ZNF609: variants seen among roughly 807,000 people sequenced by gnomAD.
The protein encoded by ZNF609 is zinc finger protein 609.
A neutral mutation model predicts 109.5 loss-of-function variants in ZNF609; 11 were observed. The observed-to-expected ratio is 0.10, with a 90% confidence interval of 0.06 to 0.17. The LOEUF is 0.17. ZNF609 is among the 10% of genes least tolerant of loss of function. The probability of loss-of-function intolerance (pLI) is 1.00; values close to 1 mark genes in which losing one functional copy is unlikely to be tolerated. For synonymous variants in ZNF609, 646 were observed against 662.0 expected (o/e 0.98, Z 0.37); for missense variants, 1,559 against 1,772.4 (o/e 0.88, Z 2.16).
chr15:64,655,485 A>G, intron 3 of ZNF609, among the ~76,000 whole-genome samples: 1 of 152,022 alleles, frequency 6.6e-6, no homozygotes, highest in Non-Finnish European at 1.5e-5. Flanking sequence ...AATAAGCAAA[A>G]TAAAATATAT....
At chr15:64,668,415 T>C (rs67465716) in intron 3 of ZNF609, among the ~76,000 whole-genome samples, 17,799 of 152,178 alleles carry the variant, frequency 0.12, 1,555 homozygotes, top group African/African-American at 0.25. Context: ...TGGGTTTTCT[T>C]TTTGTCTCTA....
At chr15:64,500,191 CCCACTGACTG>C (rs1893541822) in intron 2 of ZNF609, 25 bp downstream of exon 2, 1 of 1,608,024 alleles carries the variant, frequency 6.2e-7, no homozygotes, top group African/African-American at 1.3e-5. Context: ...GATATGGCTG[CCCACTGACTG>C]CCAGTCAGAA....
upstream of ZNF609, among the ~76,000 whole-genome samples, chr15:64,459,845 T>C (rs1892912371): frequency 6.6e-6 from 1 of 152,166 alleles, no homozygotes; most frequent in Non-Finnish European, 1.5e-5. Flanking sequence ...CTAGATAGTA[T>C]GCTGGGCAAT....
intron 2 of ZNF609, among the ~76,000 whole-genome samples, chr15:64,542,383 C>T (rs1399942159): frequency 6.6e-6 from 1 of 152,108 alleles, no homozygotes; most frequent in Non-Finnish European, 1.5e-5. Flanking sequence ...GTCATCTCTT[C>T]CAAGGCCAAT....
intron 1 of ZNF609, among the ~76,000 whole-genome samples, chr15:64,481,624 C>G (rs930216017): frequency 6.6e-6 from 1 of 151,812 alleles, no homozygotes; most frequent in African/African-American, 2.4e-5. Context: ...AGAAAGGCAT[C>G]TTTCTAAGAA....
chr15:64,490,974 C>T lies in ZNF609; in HGVS notation c.-127-8319C>T, dbSNP rs562411553. On this transcript the variant is annotated intron_variant, in intron 1 of 9. Transcript: ENST00000326648. ...CTAAGAGATGCTGCTGTTTTGCTCT[C>T]CTGTCCTTAGGTGACACATGGTCAG... Among the ~76,000 whole-genome samples, 80 of 152,336 alleles carry T rather than the reference C, an allele frequency of 5.3e-4. 1 individual carries two copies. In the South Asian group the frequency reaches 0.016, roughly 30 times the overall value.
At chr15:64,632,801 G>A (rs1896105184) in intron 3 of ZNF609, among the ~76,000 whole-genome samples, 1 of 151,752 alleles carries the variant, frequency 6.6e-6, no homozygotes, top group African/African-American at 2.4e-5. Flanking sequence ...TTCAGATAGA[G>A]TCTTGGTTTG....
At chr15:64,600,282 C>G (rs899661076) in intron 2 of ZNF609, among the ~76,000 whole-genome samples, 2 of 151,816 alleles carry the variant, frequency 1.3e-5, no homozygotes, top group East Asian at 3.9e-4. Context: ...AACCCTGTCT[C>G]TACTAAAAAT....
chr15:64,621,415 T>A (rs952710409), intron 2 of ZNF609, among the ~76,000 whole-genome samples: 10 of 152,050 alleles, frequency 6.6e-5, no homozygotes, highest in African/African-American at 2.4e-4. Context: ...AGTGGTGCAA[T>A]CATAGCTCAC....
intron 3 of ZNF609, among the ~76,000 whole-genome samples, chr15:64,667,284 A>G (rs1285403431): frequency 6.6e-6 from 1 of 152,268 alleles, no homozygotes; most frequent in East Asian, 1.9e-4. Flanking sequence ...GAATAAATGA[A>G]TATAAGTGAG....
rs1894601680 is a variant in ZNF609 at position 64,557,119 on chromosome 15, A to G, written c.747+56953A>G. 3.3e-5 allele frequency among the ~76,000 whole-genome samples: 5 copies of G among 152,074 alleles called. No homozygotes were observed. In the South Asian group the frequency reaches 1.0e-3, roughly 32 times the overall value. The stretch of plus-strand genomic sequence containing the variant: ...TTGAAATTATGGGATTTGGTATGTC[A>G]CATATTATTCAGAATGCTAAAATAT... On this transcript the variant is annotated intron_variant, in intron 2 of 9. Transcript: ENST00000326648.
chr15:64,598,071 G>T (rs1040406467), intron 2 of ZNF609, among the ~76,000 whole-genome samples: 2 of 152,128 alleles, frequency 1.3e-5, no homozygotes, highest in Admixed American at 6.5e-5. Context: ...TATTACTATA[G>T]ACATGATGGC....
intron 1 of ZNF609, among the ~76,000 whole-genome samples, chr15:64,483,357 G>A (rs536442179): frequency 6.6e-6 from 1 of 152,094 alleles, no homozygotes; most frequent in East Asian, 1.9e-4. Context: ...GCCTCCCAAA[G>A]TGCTGGGATT....
At chr15:64,541,154 G>A (rs1398325954) in intron 2 of ZNF609, among the ~76,000 whole-genome samples, 2 of 151,524 alleles carry the variant, frequency 1.3e-5, no homozygotes, top group South Asian at 2.1e-4. Context: ...CTGGCCGGGC[G>A]CGGTGGCTCA....
At chr15:64,645,596 TA>T (rs1360057642) in intron 3 of ZNF609, among the ~76,000 whole-genome samples, 1 of 152,044 alleles carries the variant, frequency 6.6e-6, no homozygotes, top group Non-Finnish European at 1.5e-5. Context: ...ACCAAGAGAA[TA>T]AAGATAGAAT....
At chr15:64,658,609 A>G (rs1840475258) in intron 3 of ZNF609, among the ~76,000 whole-genome samples, 1 of 152,048 alleles carries the variant, frequency 6.6e-6, no homozygotes. Flanking sequence ...CATATTATGT[A>G]TAATATATGT....
intron 2 of ZNF609, chr15:64,500,476 C>T: frequency 1.6e-6 from 1 of 644,862 alleles, no homozygotes. Context: ...ACCTCAGACA[C>T]TTGTTGGTAG....
chr15:64,564,561 C>T (rs1296267983), intron 2 of ZNF609, among the ~76,000 whole-genome samples: 1 of 151,666 alleles, frequency 6.6e-6, no homozygotes, highest in African/African-American at 2.4e-5. Context: ...TGTTTTCAGG[C>T]ATAAAGATAT....
Position 64,674,247 on chromosome 15 carries a change from A to G in ZNF609, c.1393A>G (p.Thr465Ala). ...CTCCAAAGGGAGCAAGCGTGTCCGT[A>G]CTAATTCCATGGGCTCAGCCACTGG... ...EDSKGSKRVRTNSMGSATGPL... is the reference protein window; with the variant it reads ...EDSKGSKRVRANSMGSATGPL... The change falls in exon 5 of 10, where the codon ACT (threonine) becomes GCT (alanine). Residue 465 changes from threonine to alanine, a missense_variant. Transcript: ENST00000326648. 1 of 1,614,190 alleles carries G rather than the reference A, an allele frequency of 6.2e-7. No homozygotes were observed. The highest frequency in any genetic ancestry group is 8.5e-7 in the Non-Finnish European group (1 of 1,180,026).
Sources: gnomAD v4.1 joint callset for allele counts (sites outside exome capture counted in the v4.1 genomes callset) on GRCh38, gnomAD v4.1.1 for gene constraint, MANE v1.5 for transcripts, NCBI Gene and HGNC (gene_info 2026-07-23, HGNC 2026-07-21) for gene names.